The following TUBE1 variants were observed in gnomAD, a reference collection of about 807,000 sequenced individuals.
TUBE1 encodes the protein tubulin epsilon chain.
TUBE1 carries 34 observed loss-of-function variants against 53.5 expected under a neutral mutation model. The ratio of observed to expected loss-of-function variants is 0.64; its 90% CI spans 0.48 to 0.85. The LOEUF (loss-of-function observed/expected upper bound fraction) is 0.85. TUBE1 is among the 40% of genes least tolerant of loss of function. TUBE1 has a pLI of 0.00. For missense variants in TUBE1, 532 were observed against 570.5 expected, an observed-to-expected ratio of 0.93 and a Z score of 0.69; for synonymous variants, 177 against 198.4, an observed-to-expected ratio of 0.89 and a Z score of 0.91.
chr6:112,087,015 T>C, intron 2 of TUBE1: 2 of 568,634 alleles, frequency 3.5e-6, no homozygotes, highest in Admixed American at 3.4e-5. Context: ...GAGGAGACCC[T>C]GAGAATCAGG....
intron 5 of TUBE1, among the ~76,000 whole-genome samples, chr6:112,080,380 A>T (rs1777051404): frequency 6.6e-6 from 1 of 152,136 alleles, no homozygotes; most frequent in Non-Finnish European, 1.5e-5. Context: ...CAAAAGTTAC[A>T]TAATAAGTTA....
Position 112,074,841 on chromosome 6 carries a change from T to C in TUBE1, c.822A>G (p.Arg274=), listed in dbSNP as rs782684889. The change falls in exon 9 of 12, where the codon AGA becomes AGG. Residue 274 remains arginine, a synonymous_variant. Coordinates refer to ENST00000368662, the MANE Select transcript of TUBE1 (RefSeq NM_016262.5). The stretch of plus-strand genomic sequence containing the variant: ...GGTCCATATTAAGGGACCCTTCAAA[T>C]CTTGCAGAGCTAAAAAGTTAACATT... The part of the protein sequence containing the change: ...NLLLNLTSSA[R]FEGSLNMDLN... 2 of 1,580,742 alleles carry C rather than the reference T, an allele frequency of 1.3e-6. No individual in the cohort carries two copies. Among genetic ancestry groups the C allele is most frequent in the Non-Finnish European group, 1.7e-6 (2 of 1,169,282 alleles).
intron 8 of TUBE1, chr6:112,075,068 C>CTT (rs371166684): frequency 8.1e-5 from 10 of 123,700 alleles, no homozygotes; most frequent in South Asian, 1.7e-4. Context: ...TTTTTTCTTT[C>CTT]TTTTTTTTTT....
At chr6:112,080,272 C>A (rs141124101) in intron 5 of TUBE1, among the ~76,000 whole-genome samples, 122 of 152,188 alleles carry the variant, frequency 8.0e-4, no homozygotes, top group Non-Finnish European at 1.4e-3. Flanking sequence ...GATAATCATG[C>A]AGCTCTGCAA....
chr6:112,084,633 T>C (rs954129530), intron 3 of TUBE1, among the ~76,000 whole-genome samples: 3 of 152,330 alleles, frequency 2.0e-5, no homozygotes, highest in East Asian at 1.9e-4. Flanking sequence ...GAAGTAATAA[T>C]ACAAGTACAA....
chr6:112,086,188 A>G (rs1777153182), intron 3 of TUBE1, among the ~76,000 whole-genome samples: 1 of 152,116 alleles, frequency 6.6e-6, no homozygotes, highest in Admixed American at 6.5e-5. Context: ...CAATCCAACA[A>G]CTGCTTGTCA....
At chr6:112,086,350 G>T (rs1289980878) in intron 3 of TUBE1, among the ~76,000 whole-genome samples, 7 of 152,178 alleles carry the variant, frequency 4.6e-5, no homozygotes, top group African/African-American at 1.7e-4. Context: ...TAAGTTAAAA[G>T]AAGTCACACT....
At chr6:112,081,901 C>T (rs587744009) in intron 4 of TUBE1, among the ~76,000 whole-genome samples, 1 of 151,730 alleles carries the variant, frequency 6.6e-6, no homozygotes, top group Admixed American at 6.6e-5. Context: ...TCCCACTTCC[C>T]TTACTTTCCA....
At chr6:112,075,053 A>ATTTTTTTTTTTTTTTTTTTTTTTTTT (rs200995009) in intron 8 of TUBE1, 1 of 221,922 alleles carries the variant, frequency 4.5e-6, no homozygotes. Context: ...CAACATCTAC[A>ATTTTTTTTTTTTTTTTTTTTTTTTTT]TTTTTTTTTT....
intron 6 of TUBE1, chr6:112,078,702 C>T (rs373463202): frequency 8.0e-4 from 121 of 151,988 alleles, no homozygotes; most frequent in African/African-American, 2.7e-3. Context: ...AAAGGTATAA[C>T]GAACTATAAA....
chr6:112,079,867 T>G, intron 5 of TUBE1, 113 bp from the exon 6 acceptor site: 16 of 993,578 alleles, frequency 1.6e-5, no homozygotes, highest in Non-Finnish European at 2.4e-5. Context: ...CTTATTGAGC[T>G]AAGTAAAGTC....
In TUBE1 at chr6:112,087,469, C is replaced by T; in HGVS notation, c.-35G>A. On this transcript the variant is annotated 5_prime_UTR_variant, in exon 1 of 12. Transcript: ENST00000368662. ...CCGCCGGCTCCGGGAGCTTGCTAGC[C>T]CGCGGCCGCTTCTGCATTCCCCCAG... The T allele has an allele frequency of 1.9e-6, 3 of 1,548,202 alleles. No homozygotes were observed. The highest frequency in any genetic ancestry group is 2.6e-6 in the Non-Finnish European group (3 of 1,145,560).
Position 112,087,449 on chromosome 6 carries a change from G to A in TUBE1, c.-15C>T, listed in dbSNP as rs587623185. ...GACTGGGTCATGGTGGTGCGCCGCC[G>A]GCTCCGGGAGCTTGCTAGCCCGCGG... is the stretch of plus-strand genomic sequence containing the variant. On this transcript the variant is annotated 5_prime_UTR_variant, in exon 1 of 12. Transcript: ENST00000368662. 4.5e-5 allele frequency: 69 copies of A among 1,549,510 alleles called. No individual in the cohort carries two copies. The South Asian group carries it at 5.0e-4, about 11-fold the overall frequency.
Position 112,070,825 on chromosome 6 carries a change from G to A in TUBE1, c.*587C>T, listed in dbSNP as rs1365352340. 1 of 152,022 alleles carries A rather than the reference G, an allele frequency of 6.6e-6. No individual in the cohort carries two copies. The highest frequency in any genetic ancestry group is 1.5e-5 in the Non-Finnish European group (1 of 67,970). The allele number at this position is 152,022 out of a possible 1,614,324, so 9.4% of individuals were successfully genotyped here. ...TAAAATCAATTGGTTTGATAAGAAA[G>A]CAATTATTTAAAAAGTTTAATACAA... On this transcript the variant is annotated 3_prime_UTR_variant, in exon 12 of 12. Transcript: ENST00000368662.
intron 10 of TUBE1, among the ~76,000 whole-genome samples, chr6:112,072,295 C>T (rs781920030): frequency 2.0e-5 from 3 of 152,120 alleles, no homozygotes; most frequent in Non-Finnish European, 4.4e-5. Context: ...ATTAAATTGG[C>T]TGTGTTGTGA....
intron 10 of TUBE1, 87 bp from the exon 11 acceptor site, chr6:112,072,163 C>T: frequency 1.0e-6 from 1 of 995,158 alleles, no homozygotes. Context: ...TTAGTTAAAC[C>T]AGAACATTAT....
intron 4 of TUBE1, among the ~76,000 whole-genome samples, chr6:112,081,799 G>GAAA (rs66773667): frequency 9.5e-6 from 1 of 105,566 alleles, no homozygotes; most frequent in Non-Finnish European, 2.1e-5. Flanking sequence ...ATTAATTATG[G>GAAA]AAAAAAAAAA....
intron 4 of TUBE1, 75 bp downstream of exon 4, chr6:112,084,114 A>G (rs1777112642): frequency 8.2e-7 from 1 of 1,221,092 alleles, no homozygotes; most frequent in Non-Finnish European, 1.2e-6. Context: ...TTAAAGTTTT[A>G]TTCTCATGAT....
rs1776852895 is a variant in TUBE1 at position 112,071,252 on chromosome 6, TA to T, written c.*159del. ...AGATTTCACTAATTTCACACATTGG[TA>T]TTACCAACAAATTGCGATTAAACAG... On this transcript the variant is annotated 3_prime_UTR_variant, in exon 12 of 12. Transcript: ENST00000368662. 1.7e-6 allele frequency: 1 copy of T among 582,556 alleles called. No homozygotes were observed. 36.1% of individuals were successfully genotyped at this position (582,556 alleles called of 1,614,324 possible). A position where few individuals can be genotyped will look rare whatever the true frequency, so the allele number is the denominator to read the frequency against.
Sources: allele counts gnomAD v4.1 joint callset (sites outside exome capture counted in the v4.1 genomes callset), GRCh38; gene constraint gnomAD v4.1.1; transcripts MANE v1.5; gene names NCBI Gene and HGNC (gene_info 2026-07-23, HGNC 2026-07-21).